Variants in NDUFA10 observed in about 807,000 individuals in gnomAD.
The protein encoded by NDUFA10 is NADH:ubiquinone oxidoreductase subunit A10, also known as NADH dehydrogenase [ubiquinone] 1 alpha subcomplex subunit 10, mitochondrial.
Under a neutral mutation model 47.8 loss-of-function variants are expected in NDUFA10, and 40 were observed. That is an observed-to-expected ratio of 0.84 (90% CI 0.65 to 1.09). The LOEUF (loss-of-function observed/expected upper bound fraction) is 1.09, where lower values mean the gene tolerates loss of function less well. NDUFA10 is among the 50% of genes least tolerant of loss of function. NDUFA10 has a pLI of 0.00. For synonymous variants in NDUFA10, 183 were observed against 172.2 expected (o/e 1.06, Z -0.49); for missense variants, 413 against 451.1 (o/e 0.92, Z 0.76).
Position 239,945,522 on chromosome 2 carries a change from G to A in NDUFA10, c.294+44552C>T, listed in dbSNP as rs1246501522. On this transcript the variant is annotated intron_variant, in intron 4 of 5. Coordinates refer to the NDUFA10 transcript ENST00000419408. The surrounding 1 kb of genome is among the most constrained non-coding windows in gnomAD (Gnocchi z 4.6). ...GAGGCTCCCTGCGCCCCACCGAGCC[G>A]GTCAGGGCTGCAGTCTACCCCGTAT... 2.6e-5 allele frequency among the ~76,000 whole-genome samples: 4 copies of A among 152,118 alleles called. No individual in the cohort carries two copies. Among genetic ancestry groups the A allele is most frequent in the Non-Finnish European group, 5.9e-5 (4 of 68,014 alleles).
chr2:240,014,810 G>C lies in NDUFA10; in HGVS notation c.598C>G (p.Pro200Ala). 6.2e-7 allele frequency: 1 copy of C among 1,614,194 alleles called. No individual in the cohort carries two copies. The highest frequency in any genetic ancestry group is 8.5e-7 in the Non-Finnish European group (1 of 1,180,032). The change falls in exon 5 of 10, where the codon CCC (proline) becomes GCC (alanine). Residue 200 changes from proline (P) to alanine (A), a missense_variant. Coordinates refer to ENST00000252711, the MANE Select transcript of NDUFA10 (RefSeq NM_004544.4). ...TCGATGTAAATCACCAGGTGGGGGG[G>C]CAGGTAATCGCAGATGGTGACGCTC... ...VKSVTICDYL[P>A]PHLVIYIDVP... is the part of the protein sequence containing the mutation.
At chr2:239,922,376 G>T (rs574271450) in intron 4 of NDUFA10, among the ~76,000 whole-genome samples, 3 of 152,282 alleles carry the variant, frequency 2.0e-5, no homozygotes, top group African/African-American at 7.2e-5. Context: ...GCTCAAGGCA[G>T]GCAGTGAGCT....
At chr2:239,952,786 G>A (rs141628144), downstream of NDUFA10, among the ~76,000 whole-genome samples, 911 of 152,336 alleles carry the variant, frequency 6.0e-3, 5 homozygotes, top group African/African-American at 0.021. Context: ...GCCAGCCCAC[G>A]GCAGACGCGA....
intron 8 of NDUFA10, among the ~76,000 whole-genome samples, chr2:239,998,792 C>T (rs1221857320): frequency 6.6e-6 from 1 of 152,222 alleles, no homozygotes; most frequent in Non-Finnish European, 1.5e-5. Context: ...GAGAAAGTTG[C>T]TCAATCAATG....
intron 4 of NDUFA10, among the ~76,000 whole-genome samples, chr2:239,927,642 C>T (rs1328355304): frequency 4.6e-5 from 7 of 152,176 alleles, no homozygotes; most frequent in African/African-American, 1.4e-4. Flanking sequence ...GGTCACATGC[C>T]GCACAATTCC....
Position 239,945,509 on chromosome 2 carries a change from G to A in NDUFA10, c.294+44565C>T, listed in dbSNP as rs555678496. On this transcript the variant is annotated intron_variant, in intron 4 of 5. Coordinates refer to the NDUFA10 transcript ENST00000419408. The surrounding 1 kb of genome is among the most constrained non-coding windows in gnomAD (Gnocchi z 4.6). ...CAGGCTGCACCGCGAGGCTCCCTGC[G>A]CCCCACCGAGCCGGTCAGGGCTGCA... is the stretch of plus-strand genomic sequence containing the variant. Among the ~76,000 whole-genome samples, 4 of 152,118 alleles carry A rather than the reference G, an allele frequency of 2.6e-5. No individual in the cohort carries two copies. The highest frequency in any genetic ancestry group is 4.2e-4 in the South Asian group (2 of 4,808).
At chr2:239,978,127 G>A (rs962922578) in intron 9 of NDUFA10, among the ~76,000 whole-genome samples, 4 of 152,104 alleles carry the variant, frequency 2.6e-5, no homozygotes, top group Admixed American at 2.0e-4. Context: ...AGGCCCCCCT[G>A]CCTCTGGGAT....
chr2:239,954,362 G>A (rs187488913), downstream of NDUFA10, among the ~76,000 whole-genome samples: 337 of 152,380 alleles, frequency 2.2e-3, 4 homozygotes, highest in African/African-American at 6.2e-3. Flanking sequence ...GGCTGTGACC[G>A]CCTCAGGGTT....
At chr2:239,971,997 T>C (rs1695321981) in intron 9 of NDUFA10, among the ~76,000 whole-genome samples, 1 of 152,158 alleles carries the variant, frequency 6.6e-6, no homozygotes, top group South Asian at 2.1e-4. Context: ...TCTACCCAGA[T>C]AAAGGTGACT....
intron 4 of NDUFA10, among the ~76,000 whole-genome samples, chr2:239,915,127 T>C (rs1476454247): frequency 1.9e-4 from 17 of 90,738 alleles, no homozygotes; most frequent in African/African-American, 4.4e-4. Flanking sequence ...AACACACACA[T>C]ACACAGACAC....
At chr2:239,897,036 A>G (rs1210323487) in intron 4 of NDUFA10, among the ~76,000 whole-genome samples, 1 of 152,248 alleles carries the variant, frequency 6.6e-6, no homozygotes, top group African/African-American at 2.4e-5. Context: ...ATAAGGAATT[A>G]TATTTTCAAC....
At chr2:239,914,482 T>TAC (rs147657204) in intron 4 of NDUFA10, among the ~76,000 whole-genome samples, 24,489 of 127,382 alleles carry the variant, frequency 0.19, 2,357 homozygotes, top group African/African-American at 0.29. Context: ...CACACAAATA[T>TAC]AGACACACAC....
chr2:239,967,151 T>C (rs1695105945), intron 9 of NDUFA10, among the ~76,000 whole-genome samples: 1 of 152,214 alleles, frequency 6.6e-6, no homozygotes, highest in African/African-American at 2.4e-5. Context: ...GAGCAATAGA[T>C]GCTGACGCAG....
At position 240,023,519 on chromosome 2, in the gene NDUFA10, G is replaced by A. The variant is rs143326962; in HGVS notation, c.76-1179C>T. On this transcript the variant is annotated intron_variant, in intron 1 of 9. Transcript: ENST00000252711. ...CTACAGCATTAGGAATCCATTCAAAGAGTATATACATAAGATTGACCTATA... is the reference window on the plus strand; with the variant it reads ...CTACAGCATTAGGAATCCATTCAAAAAGTATATACATAAGATTGACCTATA... 1.3e-4 allele frequency among the ~76,000 whole-genome samples: 20 copies of A among 152,268 alleles called. 1 individual carries two copies. Among genetic ancestry groups the A allele is most frequent in the Middle Eastern group, 3.4e-3 (1 of 294 alleles).
intron 1 of NDUFA10, among the ~76,000 whole-genome samples, chr2:240,022,629 T>TGGAG (rs761091608): frequency 7.7e-6 from 1 of 130,366 alleles, no homozygotes; most frequent in Admixed American, 7.9e-5. Context: ...CAATAAAAAT[T>TGGAG]GGAGGGAGGG....
intron 3 of NDUFA10, 64 bp from the exon 4 acceptor site, chr2:240,018,703 C>A: frequency 6.7e-7 from 1 of 1,488,952 alleles, no homozygotes; most frequent in Non-Finnish European, 9.3e-7. Flanking sequence ...GTCAACTGAT[C>A]ACTGCATTCC....
chr2:239,974,228 GA>G, intron 9 of NDUFA10, among the ~76,000 whole-genome samples: 1 of 152,282 alleles, frequency 6.6e-6, no homozygotes, highest in African/African-American at 2.4e-5. Context: ...TGCACCCAAT[GA>G]AAACGCTGTT....
intron 9 of NDUFA10, 25 bp downstream of exon 9, chr2:239,990,049 G>C: frequency 6.5e-7 from 1 of 1,544,236 alleles, no homozygotes; most frequent in Non-Finnish European, 9.0e-7. Context: ...CCACTGGCCA[G>C]CTTTCTCCAT....
chr2:239,972,792 A>G (rs771520292), intron 9 of NDUFA10, among the ~76,000 whole-genome samples: 15 of 152,232 alleles, frequency 9.9e-5, no homozygotes, highest in Non-Finnish European at 1.9e-4. Context: ...CTTAACTCTT[A>G]TTAGCTGTGA....
Sources: gnomAD v4.1 joint callset for allele counts (sites outside exome capture counted in the v4.1 genomes callset) on GRCh38, gnomAD v4.1.1 for gene constraint, Gnocchi (gnomAD v3.1) non-coding constraint, MANE v1.5 for transcripts, NCBI Gene and HGNC (gene_info 2026-07-23, HGNC 2026-07-21) for gene names.